CMTM8: variants seen among roughly 807,000 people sequenced by gnomAD.
CMTM8 encodes CKLF like MARVEL transmembrane domain containing 8.
Under a neutral mutation model 18.6 loss-of-function variants are expected in CMTM8, and 12 were observed. The ratio of observed to expected loss-of-function variants is 0.65; its 90% CI spans 0.41 to 1.05. The LOEUF (loss-of-function observed/expected upper bound fraction) is 1.05, where lower values mean the gene tolerates loss of function less well. CMTM8 is among the 50% of genes least tolerant of loss of function. CMTM8 has a pLI of 0.00. For missense variants in CMTM8, 217 were observed against 227.2 expected, an observed-to-expected ratio of 0.95 and a Z score of 0.29; for synonymous variants, 87 against 90.6, an observed-to-expected ratio of 0.96 and a Z score of 0.23.
chr3:32,366,410 C>T (rs1019774268), intron 2 of CMTM8, among the ~76,000 whole-genome samples: 4 of 152,144 alleles, frequency 2.6e-5, no homozygotes, highest in South Asian at 4.1e-4. Flanking sequence ...CACATGGGCT[C>T]GTGCACAAGG....
At chr3:32,353,089 G>A (rs1225585406) in intron 1 of CMTM8, among the ~76,000 whole-genome samples, 1 of 152,188 alleles carries the variant, frequency 6.6e-6, no homozygotes, top group African/African-American at 2.4e-5. Context: ...CACTTTCCCA[G>A]TTCAAGCTAT....
chr3:32,297,125 A>G (rs746017281), intron 1 of CMTM8, among the ~76,000 whole-genome samples: 1 of 152,162 alleles, frequency 6.6e-6, no homozygotes, highest in Non-Finnish European at 1.5e-5. Context: ...GAAAGATTAC[A>G]TCATTTCCTC....
chr3:32,240,014 A>G (rs1444914262), intron 1 of CMTM8, among the ~76,000 whole-genome samples: 1 of 152,210 alleles, frequency 6.6e-6, no homozygotes. Flanking sequence ...TCATAACTGC[A>G]AGCAGTTGAG....
intron 1 of CMTM8, among the ~76,000 whole-genome samples, chr3:32,296,534 G>T (rs1245255057): frequency 6.6e-6 from 1 of 152,146 alleles, no homozygotes; most frequent in Non-Finnish European, 1.5e-5. Flanking sequence ...GTTTCCCTTT[G>T]CCACTCCCTT....
chr3:32,311,810 T>A (rs1695825418), intron 1 of CMTM8, among the ~76,000 whole-genome samples: 1 of 152,214 alleles, frequency 6.6e-6, no homozygotes, highest in African/African-American at 2.4e-5. Flanking sequence ...AGACTGCCCC[T>A]GCCCACTTCA....
chr3:32,287,837 T>C (rs145878040), intron 1 of CMTM8, among the ~76,000 whole-genome samples: 1,990 of 152,314 alleles, frequency 0.013, 43 homozygotes, highest in African/African-American at 0.046. Context: ...AGGAAAATTA[T>C]CTGGAGGCTG....
intron 1 of CMTM8, among the ~76,000 whole-genome samples, chr3:32,349,193 G>T (rs1696656641): frequency 1.3e-5 from 2 of 151,936 alleles, no homozygotes; most frequent in Admixed American, 1.3e-4. Context: ...CAATAATCTT[G>T]GTTATCTGCC....
chr3:32,362,073 C>CTTTTTTTTTT (rs1553608252), intron 2 of CMTM8, among the ~76,000 whole-genome samples: 1 of 57,828 alleles, frequency 1.7e-5, no homozygotes, highest in Non-Finnish European at 3.5e-5. Context: ...TGGAGTCTTA[C>CTTTTTTTTTT]TTTATTGCCC....
At chr3:32,359,652 C>A (rs6550117) in intron 2 of CMTM8, among the ~76,000 whole-genome samples, 77,098 of 151,464 alleles carry the variant, frequency 0.51, 19,639 homozygotes, top group Admixed American at 0.53. Flanking sequence ...AGTTTACAGA[C>A]CTCTTGTGTT....
intron 1 of CMTM8, among the ~76,000 whole-genome samples, chr3:32,258,488 A>G (rs979726686): frequency 6.6e-6 from 1 of 151,654 alleles, no homozygotes; most frequent in African/African-American, 2.4e-5. Context: ...CCTTAGTTTT[A>G]TTTACAGTGC....
intron 2 of CMTM8, among the ~76,000 whole-genome samples, chr3:32,363,533 A>G (rs1165264740): frequency 6.6e-6 from 1 of 151,946 alleles, no homozygotes; most frequent in East Asian, 1.9e-4. Flanking sequence ...TCAGCTGGAA[A>G]CTCCGTTACC....
intron 1 of CMTM8, among the ~76,000 whole-genome samples, chr3:32,275,862 C>T (rs1310030282): frequency 1.3e-5 from 2 of 152,010 alleles, no homozygotes; most frequent in Admixed American, 6.6e-5. Context: ...GTTGGCCAGG[C>T]TGGTCTTAAA....
chr3:32,306,736 TAAG>T (rs944030107), intron 1 of CMTM8, among the ~76,000 whole-genome samples: 4 of 152,228 alleles, frequency 2.6e-5, no homozygotes, highest in African/African-American at 9.6e-5. Context: ...GATTTGGTGC[TAAG>T]GTTTAGTGGG....
At chr3:32,299,501 A>G (rs1213099349) in intron 1 of CMTM8, among the ~76,000 whole-genome samples, 1 of 152,196 alleles carries the variant, frequency 6.6e-6, no homozygotes, top group African/African-American at 2.4e-5. Flanking sequence ...TTTTGTGGCT[A>G]CATAGTAGGT....
intron 2 of CMTM8, among the ~76,000 whole-genome samples, chr3:32,357,767 A>G (rs1396428088): frequency 6.6e-6 from 1 of 152,266 alleles, no homozygotes; most frequent in Non-Finnish European, 1.5e-5. Flanking sequence ...AATTCCTTTC[A>G]GGCAGAATTG....
At chr3:32,306,933 G>A (rs937066493) in intron 1 of CMTM8, among the ~76,000 whole-genome samples, 1 of 152,222 alleles carries the variant, frequency 6.6e-6, no homozygotes, top group African/African-American at 2.4e-5. Flanking sequence ...AAGATGCCAG[G>A]CACAGTGTCT....
intron 1 of CMTM8, among the ~76,000 whole-genome samples, chr3:32,284,850 T>C (rs964655457): frequency 6.6e-6 from 1 of 152,220 alleles, no homozygotes; most frequent in Non-Finnish European, 1.5e-5. Flanking sequence ...ATGTGGGCGA[T>C]TATATTAGGA....
At chr3:32,361,608 C>G (rs1057000566) in intron 2 of CMTM8, among the ~76,000 whole-genome samples, 1 of 152,058 alleles carries the variant, frequency 6.6e-6, no homozygotes, top group African/African-American at 2.4e-5. Flanking sequence ...ACTGCAGAAA[C>G]CAGAGTTTTA....
At chr3:32,359,911 G>A (rs1696889679) in intron 2 of CMTM8, among the ~76,000 whole-genome samples, 1 of 152,140 alleles carries the variant, frequency 6.6e-6, no homozygotes, top group African/African-American at 2.4e-5. Flanking sequence ...TTTACACACA[G>A]CAGGGGTCCA....
Sources: gnomAD v4.1 joint callset for allele counts (sites outside exome capture counted in the v4.1 genomes callset) on GRCh38, gnomAD v4.1.1 for gene constraint, MANE v1.5 for transcripts, NCBI Gene and HGNC (gene_info 2026-07-23, HGNC 2026-07-21) for gene names.